Variants in BICD1 observed in about 807,000 individuals in gnomAD.
BICD1 encodes the protein protein bicaudal D homolog 1.
Under a neutral mutation model 92.5 loss-of-function variants are expected in BICD1, and 35 were observed. The observed-to-expected ratio is 0.38, with a 90% CI of 0.29 to 0.50. The LOEUF (loss-of-function observed/expected upper bound fraction) is 0.50, where lower values mean the gene tolerates loss of function less well. Ranked by LOEUF, BICD1 falls within the 20% of genes least tolerant of loss-of-function variation. The pLI is 0.93. For synonymous variants in BICD1, 429 were observed against 465.1 expected (o/e 0.92, Z 1.00); for missense variants, 950 against 1,189.8 (o/e 0.80, Z 2.97).
intron 2 of BICD1, among the ~76,000 whole-genome samples, chr12:32,220,978 G>A (rs888490318): frequency 1.4e-4 from 21 of 149,576 alleles, no homozygotes; most frequent in South Asian, 2.1e-4. Flanking sequence ...ATCATTCTCC[G>A]TAAACTATTG....
At chr12:32,372,744 G>A (rs539012526) in intron 9 of BICD1, among the ~76,000 whole-genome samples, 12 of 152,160 alleles carry the variant, frequency 7.9e-5, no homozygotes, top group African/African-American at 2.9e-4. Context: ...AGGCATGGTG[G>A]CCTGCATCTG....
chr12:32,206,437 A>C lies in BICD1; in HGVS notation c.214-9810A>C, dbSNP rs150577536. 9.8e-3 allele frequency among the ~76,000 whole-genome samples: 1,497 copies of C among 152,142 alleles called. 27 individuals carry two copies. Among genetic ancestry groups the C allele is most frequent in the African/African-American group, 0.034 (1,426 of 41,514 alleles). ...CCTGGCCAACAAGGTGAAACCTCAT[A>C]TCCACTAAAAATACAAAAATTAGCT... On this transcript the variant is annotated intron_variant, in intron 1 of 9. Transcript: ENST00000652176.
intron 2 of BICD1, among the ~76,000 whole-genome samples, chr12:32,262,448 AC>A (rs1192822720): frequency 1.3e-5 from 2 of 152,134 alleles, no homozygotes; most frequent in Non-Finnish European, 2.9e-5. Context: ...TAGCAAAATG[AC>A]AAAAAATAAG....
At chr12:32,176,976 T>G (rs772687312) in intron 1 of BICD1, among the ~76,000 whole-genome samples, 10 of 151,532 alleles carry the variant, frequency 6.6e-5, no homozygotes, top group Non-Finnish European at 1.3e-4. Flanking sequence ...TGTTACTTAC[T>G]GTTTTTTATC....
At chr12:32,303,246 T>C (rs1185140431) in intron 3 of BICD1, among the ~76,000 whole-genome samples, 1 of 152,000 alleles carries the variant, frequency 6.6e-6, no homozygotes, top group East Asian at 1.9e-4. Context: ...CCAGTCCTCA[T>C]AATGCATTTC....
chr12:32,241,036 C>CCTTGG (rs1946222358), intron 2 of BICD1, among the ~76,000 whole-genome samples: 1 of 152,080 alleles, frequency 6.6e-6, no homozygotes, highest in Non-Finnish European at 1.5e-5. Context: ...CAAGGTCAGA[C>CCTTGG]AGTATTATTA....
At chr12:32,303,140 G>T (rs1948108423) in intron 3 of BICD1, among the ~76,000 whole-genome samples, 1 of 151,636 alleles carries the variant, frequency 6.6e-6, no homozygotes, top group Non-Finnish European at 1.5e-5. Context: ...TCATTATGTT[G>T]CCCAGGCTGG....
Position 32,120,979 on chromosome 12 carries a change from T to TC in BICD1, c.213+13435_213+13436insC, listed in dbSNP as rs549079794. Among the ~76,000 whole-genome samples the TC allele has an allele frequency of 1.7e-3, 257 of 150,974 alleles. 3 individuals are homozygous for TC. The highest frequency in any genetic ancestry group is 3.3e-3 in the Non-Finnish European group (223 of 67,520). ...GTTGGCTCCATAGAATTTTTTTTTT[T>TC]TTTTTTTGAGACGGAGTCTCGCGCT... On this transcript the variant is annotated intron_variant, in intron 1 of 9. Transcript: ENST00000652176.
intron 2 of BICD1, among the ~76,000 whole-genome samples, chr12:32,246,832 G>A (rs1334828458): frequency 6.6e-6 from 1 of 152,142 alleles, no homozygotes; most frequent in Non-Finnish European, 1.5e-5. Flanking sequence ...TTACAGTCAA[G>A]TGTGTGAGAT....
chr12:32,250,706 C>T (rs760026493), intron 2 of BICD1, among the ~76,000 whole-genome samples: 4 of 152,180 alleles, frequency 2.6e-5, no homozygotes, highest in South Asian at 4.1e-4. Context: ...TGAAGCCAGG[C>T]GCAGTGGCTC....
rs147355412 is a variant in BICD1, at chr12:32,152,002, G to A, written c.213+44458G>A. On this transcript the variant is annotated intron_variant, in intron 1 of 9. Transcript: ENST00000652176. ...GACAGAGTCTCGCTGTGTCTCCCAGGCTGGAGTGTAGTGGCGCGTTCTCAG... is the reference window on the plus strand; with the variant it reads ...GACAGAGTCTCGCTGTGTCTCCCAGACTGGAGTGTAGTGGCGCGTTCTCAG... Among the ~76,000 whole-genome samples the A allele has an allele frequency of 2.9e-3, 439 of 152,248 alleles. 2 individuals are homozygous for A. Among genetic ancestry groups the A allele is most frequent in the African/African-American group, 0.01 (428 of 41,550 alleles).
intron 1 of BICD1, among the ~76,000 whole-genome samples, chr12:32,127,154 T>C (rs1329386593): frequency 6.6e-6 from 1 of 152,212 alleles, no homozygotes; most frequent in East Asian, 1.9e-4. Context: ...AAGTTTATAA[T>C]TTTAATTTAG....
At chr12:32,119,434 A>G (rs781369370) in intron 1 of BICD1, among the ~76,000 whole-genome samples, 28 of 152,188 alleles carry the variant, frequency 1.8e-4, no homozygotes, top group Non-Finnish European at 3.7e-4. Flanking sequence ...CCACTCCGGG[A>G]GAGTTAAATC....
At chr12:32,352,411 A>T (rs1335420110) in intron 8 of BICD1, 1 of 150,684 alleles carries the variant, frequency 6.6e-6, no homozygotes, top group African/African-American at 2.4e-5. Context: ...ACTTGAATCT[A>T]GGAAGCGGAG....
intron 3 of BICD1, among the ~76,000 whole-genome samples, chr12:32,303,499 A>G (rs10844176): frequency 0.17 from 25,445 of 152,114 alleles, 2,722 homozygotes; most frequent in African/African-American, 0.29. Flanking sequence ...TAAAGGCTAC[A>G]TTCTTCACTC....
intron 1 of BICD1, among the ~76,000 whole-genome samples, chr12:32,199,032 T>TAGA (rs1229266275): frequency 3.9e-5 from 6 of 152,054 alleles, no homozygotes; most frequent in Admixed American, 3.9e-4. Flanking sequence ...TGGTCTTGGG[T>TAGA]AGAACTGAGA....
chr12:32,282,199 C>CTTTTT (rs1565639578), intron 2 of BICD1, among the ~76,000 whole-genome samples: 2 of 69,016 alleles, frequency 2.9e-5, no homozygotes, highest in South Asian at 5.4e-4. Context: ...TTCAGGTCTT[C>CTTTTT]TTCTTTTTTT....
chr12:32,237,023 C>T (rs146441018), intron 2 of BICD1, among the ~76,000 whole-genome samples: 2,777 of 151,882 alleles, frequency 0.018, 75 homozygotes, highest in African/African-American at 0.061. Flanking sequence ...TACTGGTGCC[C>T]GCCACCATAC....
chr12:32,201,558 T>C (rs1397301938), intron 1 of BICD1, among the ~76,000 whole-genome samples: 1 of 152,168 alleles, frequency 6.6e-6, no homozygotes, highest in Non-Finnish European at 1.5e-5. Flanking sequence ...TCATTTTTAA[T>C]TGGGAAATGT....
Sources: gnomAD v4.1 joint callset for allele counts (sites outside exome capture counted in the v4.1 genomes callset) on GRCh38, gnomAD v4.1.1 for gene constraint, MANE v1.5 for transcripts, NCBI Gene and HGNC (gene_info 2026-07-23, HGNC 2026-07-21) for gene names.